The following GOLGA7B variants were observed in gnomAD, a reference collection of about 807,000 sequenced individuals.
GOLGA7B encodes golgin subfamily A member 7B.
GOLGA7B carries 17 observed loss-of-function variants against 21.5 expected under a neutral mutation model. The observed-to-expected ratio is 0.79, with a 90% CI of 0.54 to 1.19. The LOEUF (loss-of-function observed/expected upper bound fraction) is 1.19, where lower values mean the gene tolerates loss of function less well. GOLGA7B is among the 50% of genes most tolerant of loss of function. The pLI, the probability that GOLGA7B is intolerant of heterozygous loss-of-function variation, is 0.00. For synonymous variants in GOLGA7B, 87 were observed against 84.0 expected, an observed-to-expected ratio of 1.04 and a Z score of -0.19; for missense variants, 169 against 224.4, an observed-to-expected ratio of 0.75 and a Z score of 1.58.
At position 97,868,021 on chromosome 10, in the gene GOLGA7B, C is replaced by A. The variant is rs764559828; in HGVS notation, c.*2321C>A. ...TAATGATATCAATAAATCCTCATTT[C>A]TTGAGCTCTTCCCCTGGGTTGGGTC... On this transcript the variant is annotated 3_prime_UTR_variant, in exon 5 of 5. Transcript: ENST00000370602. 6.6e-6 allele frequency: 1 copy of A among 152,240 alleles called. No individual in the cohort carries two copies. The highest frequency in any genetic ancestry group is 1.5e-5 in the Non-Finnish European group (1 of 68,060). The allele number at this position is 152,240 out of a possible 1,614,324, so 9.4% of individuals were successfully genotyped here. A position where few individuals can be genotyped will look rare whatever the true frequency, so the allele number is the denominator to read the frequency against.
intron 4 of GOLGA7B, 198 bp from the exon 5 acceptor site, chr10:97,865,392 G>T (rs1391946484): frequency 7.9e-6 from 7 of 887,274 alleles, no homozygotes; most frequent in Non-Finnish European, 1.2e-5. Flanking sequence ...CTGGCCTTAC[G>T]AGTCTCCCTA....
intron 1 of GOLGA7B, among the ~76,000 whole-genome samples, chr10:97,854,544 A>G (rs2136513126): frequency 6.6e-6 from 1 of 152,310 alleles, no homozygotes; most frequent in African/African-American, 2.4e-5. Flanking sequence ...TGTGTCTGAT[A>G]TCATCCTTTA....
chr10:97,864,792 G>C (rs78380777), intron 4 of GOLGA7B, among the ~76,000 whole-genome samples: 2,674 of 152,254 alleles, frequency 0.018, 90 homozygotes, highest in African/African-American at 0.06. Context: ...CTAGAATGAT[G>C]TGACTACCCC....
intron 1 of GOLGA7B, among the ~76,000 whole-genome samples, chr10:97,853,534 G>A (rs1303072436): frequency 2.6e-5 from 4 of 152,110 alleles, no homozygotes; most frequent in Non-Finnish European, 5.9e-5. Context: ...TTGAAAATTG[G>A]TACCCATGGG....
intron 1 of GOLGA7B, among the ~76,000 whole-genome samples, chr10:97,850,986 T>C (rs1327944217): frequency 6.6e-6 from 1 of 151,820 alleles, no homozygotes; most frequent in East Asian, 1.9e-4. Flanking sequence ...CCACGGGGCC[T>C]GTTAGCTAAG....
At position 97,866,807 on chromosome 10, in the gene GOLGA7B, T is replaced by A. The variant is rs1293602788; in HGVS notation, c.*1107T>A. ...GAGTGTTCATGTGTATGAGTGTGTG[T>A]GTATGCAGGTGAGTGCATGTGTGTG... On this transcript the variant is annotated 3_prime_UTR_variant, in exon 5 of 5. Transcript: ENST00000370602. The A allele has an allele frequency of 6.6e-6, 1 of 152,204 alleles. No homozygotes were observed. Among genetic ancestry groups the A allele is most frequent in the Non-Finnish European group, 1.5e-5 (1 of 68,046 alleles). The allele number at this position is 152,204 out of a possible 1,614,324, so 9.4% of individuals were successfully genotyped here.
At position 97,867,151 on chromosome 10, in the gene GOLGA7B, T is replaced by G. The variant is rs1193943837; in HGVS notation, c.*1451T>G. ...CTGTGTGTTCAGCCTGCCCAGGGGC[T>G]GGGGCTCTTTAAGGCTTTGTAGGTG... On this transcript the variant is annotated 3_prime_UTR_variant, in exon 5 of 5. Coordinates refer to ENST00000370602, the MANE Select transcript of GOLGA7B (RefSeq NM_001010917.3). 2 of 152,176 alleles carry G rather than the reference T, an allele frequency of 1.3e-5. No homozygotes were observed. Among genetic ancestry groups the G allele is most frequent in the African/African-American group, 4.8e-5 (2 of 41,408 alleles). The allele number at this position is 152,176 out of a possible 1,614,324, so 9.4% of individuals were successfully genotyped here.
Position 97,869,787 on chromosome 10 carries a change from T to C in GOLGA7B, c.*4087T>C, listed in dbSNP as rs897701419. 3.3e-5 allele frequency: 5 copies of C among 152,272 alleles called. No homozygotes were observed. Among genetic ancestry groups the C allele is most frequent in the African/African-American group, 1.2e-4 (5 of 41,468 alleles). 9.4% of individuals were successfully genotyped at this position (152,272 alleles called of 1,614,324 possible). A position where few individuals can be genotyped will look rare whatever the true frequency, so the allele number is the denominator to read the frequency against. On this transcript the variant is annotated 3_prime_UTR_variant, in exon 5 of 5. Transcript: ENST00000370602. ...AGAGGTGTGGGGCAAAGGTGGAGTCTGGTGACTTTCTCCCTAGGGCCAGCC... is the reference window on the plus strand; with the variant it reads ...AGAGGTGTGGGGCAAAGGTGGAGTCCGGTGACTTTCTCCCTAGGGCCAGCC...
chr10:97,851,623 G>T (rs1293005435), intron 1 of GOLGA7B, among the ~76,000 whole-genome samples: 1 of 152,250 alleles, frequency 6.6e-6, no homozygotes, highest in Non-Finnish European at 1.5e-5. Flanking sequence ...CCAAGGAGTT[G>T]GTTACCTTCC....
chr10:97,863,864 GCCCTA>G, intron 2 of GOLGA7B, 61 bp from the exon 3 acceptor site: 1 of 1,515,540 alleles, frequency 6.6e-7, no homozygotes, highest in South Asian at 1.3e-5. Context: ...GTCACTTCCA[GCCCTA>G]CCTGTGACTG....
At chr10:97,864,398 G>A (rs2049996189) in intron 4 of GOLGA7B, 129 bp downstream of exon 4, 2 of 686,422 alleles carry the variant, frequency 2.9e-6, no homozygotes, top group Admixed American at 2.6e-5. Flanking sequence ...CCCCACATCA[G>A]TGGTCCTCAG....
intron 2 of GOLGA7B, among the ~76,000 whole-genome samples, chr10:97,861,536 T>A (rs1217207656): frequency 6.6e-6 from 1 of 152,174 alleles, no homozygotes; most frequent in African/African-American, 2.4e-5. Flanking sequence ...ACTCAGCTAG[T>A]TGGGTGACTC....
Position 97,870,362 on chromosome 10 carries a change from A to G in GOLGA7B, c.*4662A>G, listed in dbSNP as rs1242718786. Reference sequence around the variant, plus strand: ...CAGCCAGACACAAAAATGCATATGCACCATGTGATTCCCCTTATATGAAAC... The same window carrying G: ...CAGCCAGACACAAAAATGCATATGCGCCATGTGATTCCCCTTATATGAAAC... On this transcript the variant is annotated 3_prime_UTR_variant, in exon 5 of 5. Transcript: ENST00000370602. 1 of 152,186 alleles carries G rather than the reference A, an allele frequency of 6.6e-6. No individual in the cohort carries two copies. Among genetic ancestry groups the G allele is most frequent in the Middle Eastern group, 3.2e-3 (1 of 316 alleles). The allele number at this position is 152,186 out of a possible 1,614,324, so 9.4% of individuals were successfully genotyped here.
chr10:97,852,911 C>T (rs917859899), intron 1 of GOLGA7B, among the ~76,000 whole-genome samples: 1 of 152,148 alleles, frequency 6.6e-6, no homozygotes, highest in Non-Finnish European at 1.5e-5. Context: ...ATTTTCTGAG[C>T]AGCAAACCTC....
At chr10:97,854,443 G>T (rs951936242) in intron 1 of GOLGA7B, among the ~76,000 whole-genome samples, 8 of 152,176 alleles carry the variant, frequency 5.3e-5, no homozygotes, top group Non-Finnish European at 1.0e-4. Context: ...ACCCTGCCTT[G>T]CCTTAAATCC....
chr10:97,854,060 A>G (rs1367217503), intron 1 of GOLGA7B, among the ~76,000 whole-genome samples: 1 of 152,230 alleles, frequency 6.6e-6, no homozygotes, highest in Non-Finnish European at 1.5e-5. Flanking sequence ...CTTTTGAGAC[A>G]CCAGAAGTGC....
intron 2 of GOLGA7B, among the ~76,000 whole-genome samples, chr10:97,860,898 C>T: frequency 6.6e-6 from 1 of 152,286 alleles, no homozygotes; most frequent in South Asian, 2.1e-4. Flanking sequence ...CTATCCTCCC[C>T]CTTCCCAGAC....
chr10:97,863,671 C>T (rs1219443335), intron 2 of GOLGA7B, among the ~76,000 whole-genome samples: 1 of 152,244 alleles, frequency 6.6e-6, no homozygotes, highest in Admixed American at 6.5e-5. Flanking sequence ...GATGAGGAAA[C>T]TGAAGCCTAG....
At chr10:97,858,125 C>G (rs2049947727) in intron 1 of GOLGA7B, among the ~76,000 whole-genome samples, 1 of 152,220 alleles carries the variant, frequency 6.6e-6, no homozygotes, top group African/African-American at 2.4e-5. Context: ...TTTCCTCCCT[C>G]TCCACACTCT....
Sources: gnomAD v4.1 joint callset for allele counts (sites outside exome capture counted in the v4.1 genomes callset) on GRCh38, gnomAD v4.1.1 for gene constraint, MANE v1.5 for transcripts, NCBI Gene and HGNC (gene_info 2026-07-23, HGNC 2026-07-21) for gene names.